The following TTN variants were observed in gnomAD, a reference collection of about 807,000 sequenced individuals.
The protein encoded by TTN is titin.
A neutral mutation model predicts 3,223.0 loss-of-function variants in TTN; 1,525 were observed. The ratio of observed to expected loss-of-function variants is 0.47; its 90% CI spans 0.45 to 0.49. The LOEUF is 0.49. Ranked by LOEUF, TTN falls within the 20% of genes least tolerant of loss-of-function variation. TTN has a pLI of 0.00. For missense variants in TTN, 40,786 were observed against 43,424.0 expected (o/e 0.94, Z 5.40); for synonymous variants, 14,094 against 15,161.0 (o/e 0.93, Z 5.17).
rs760034376 is a variant in TTN at position 178,746,157 on chromosome 2, T to C, written c.11312-4236A>G. On this transcript the variant is annotated intron_variant, in intron 47 of 362. Coordinates refer to ENST00000589042, the MANE Select transcript of TTN (RefSeq NM_001267550.2). ...TCTGGCTCAATACACATATATTCTT[T>C]ATACCACTTAACTTCGGGAGTCGGG... The C allele has an allele frequency of 1.1e-5, 17 of 1,613,372 alleles. 1 individual carries two copies. The Admixed American group carries it at 2.8e-4, about 27-fold the overall frequency.
At position 178,802,171 on chromosome 2, in the gene TTN, G is replaced by C; in HGVS notation, c.262C>G (p.Gln88Glu). Residue 88 changes from glutamine (Q) to glutamate (E), a missense_variant, in exon 3 of 363, where the codon CAA becomes GAA. Coordinates refer to ENST00000589042, the MANE Select transcript of TTN (RefSeq NM_001267550.2). ...YSLKATNGSG[Q>E]ATSTAELLVK... is the part of the protein sequence containing the mutation. Reference sequence around the variant, plus strand: ...AGAAGCTCAGCAGTACTAGTCGCTTGTCCAGATCCATTGGTGGCTTTCAGG... The same window carrying C: ...AGAAGCTCAGCAGTACTAGTCGCTTCTCCAGATCCATTGGTGGCTTTCAGG... 1 of 1,614,086 alleles carries C rather than the reference G, an allele frequency of 6.2e-7. No individual in the cohort carries two copies. Among genetic ancestry groups the C allele is most frequent in the Non-Finnish European group, 8.5e-7 (1 of 1,179,954 alleles).
intron 350 of TTN, 29 bp from the exon 351 acceptor site, chr2:178,540,399 TA>T: frequency 6.4e-7 from 1 of 1,551,994 alleles, no homozygotes; most frequent in Middle Eastern, 2.0e-4. Flanking sequence ...ATATACTGGT[TA>T]AAGTTGCTGC....
chr2:178,532,656 A>G lies in TTN; in HGVS notation c.103959T>C (p.Arg34653=). 2 of 1,613,938 alleles carry G rather than the reference A, an allele frequency of 1.2e-6. No homozygotes were observed. The highest frequency in any genetic ancestry group is 1.1e-5 in the South Asian group (1 of 91,074). ...DYDFYYRPRR[R]SLGDISDEEL... Reference sequence around the variant, plus strand: ...CTTCATCAGAGATGTCCCCAAGAGAACGTCTTCTAGGTCGGTAGTAAAAGT... The same window carrying G: ...CTTCATCAGAGATGTCCCCAAGAGAGCGTCTTCTAGGTCGGTAGTAAAAGT... The change falls in exon 358 of 363, where the codon CGT becomes CGC. Residue 34653 remains arginine (R), a synonymous_variant. Coordinates refer to ENST00000589042, the MANE Select transcript of TTN (RefSeq NM_001267550.2).
At chr2:178,625,995 A>G (rs2058981862) in intron 240 of TTN, among the ~76,000 whole-genome samples, 1 of 151,990 alleles carries the variant, frequency 6.6e-6, no homozygotes, top group Admixed American at 6.6e-5. Flanking sequence ...TATACAGCAC[A>G]TATAGTATAT....
In TTN at chr2:178,597,574, C is replaced by A. The variant is rs750947988; in HGVS notation, c.57508G>T (p.Gly19170Ter). 1 of 1,612,534 alleles carries A rather than the reference C, an allele frequency of 6.2e-7. No individual in the cohort carries two copies. Among genetic ancestry groups the A allele is most frequent in the Non-Finnish European group, 8.5e-7 (1 of 1,179,394 alleles). ...ACAATAATTGTCTTCTTTCTTTCTC[C>A]GGCTTCATTTTTGGCAAGAAGAGAA... Reference protein sequence around the residue: ...VYSLLAKNEAGERKKTIIVDV... With the variant: ...VYSLLAKNEA Residue 19170 changes from glycine (G) to a stop codon, truncating the protein, a stop_gained, in exon 294 of 363, where the codon GGA (glycine) becomes TGA (stop). Coordinates refer to ENST00000589042, the MANE Select transcript of TTN (RefSeq NM_001267550.2). LOFTEE classifies it high-confidence loss of function.
chr2:178,768,519 T>G (rs1205311597), intron 38 of TTN, among the ~76,000 whole-genome samples, 154 bp downstream of exon 38: 2 of 152,282 alleles, frequency 1.3e-5, no homozygotes, highest in African/African-American at 4.8e-5. Context: ...TCATCCATGT[T>G]GTAGCATATC....
intron 46 of TTN, among the ~76,000 whole-genome samples, chr2:178,754,292 C>T (rs1400447699): frequency 2.6e-5 from 4 of 151,962 alleles, no homozygotes; most frequent in Admixed American, 1.3e-4. Context: ...AAAGACTGGC[C>T]TATGTCAAAT....
chr2:178,559,321 T>C lies in TTN; in HGVS notation c.86811A>G (p.Val28937=), dbSNP rs55972010. 43,859 of 1,589,816 alleles carry C rather than the reference T, an allele frequency of 0.028. 703 individuals carry two copies. The highest frequency in any genetic ancestry group is 0.031 in the Non-Finnish European group (36,587 of 1,167,644). The change falls in exon 326 of 363, where the codon GTA becomes GTG. Residue 28937 remains valine, a synonymous_variant. Coordinates refer to ENST00000589042, the MANE Select transcript of TTN (RefSeq NM_001267550.2). ...VGIPAETKEG[V]KITEKPSPPE... is the part of the protein sequence containing the mutation. ...ATTCTTAAAACATACCTGTTATTTT[T>C]ACTCCTTCCTTTGTTTCAGCTGGTA...
intron 26 of TTN, 47 bp downstream of exon 26, chr2:178,777,373 C>A (rs373943030): frequency 5.2e-5 from 84 of 1,612,402 alleles, no homozygotes; most frequent in Non-Finnish European, 7.0e-5. Flanking sequence ...CTGTTTATAA[C>A]CCAAGTGATA....
At chr2:178,624,427 A>C in intron 242 of TTN, 38 bp downstream of exon 242, 1 of 1,607,446 alleles carries the variant, frequency 6.2e-7, no homozygotes, top group South Asian at 1.1e-5. Context: ...TTATTAAAGA[A>C]TTGCAAATGA....
In TTN at chr2:178,537,546, T is replaced by G. The variant is rs938263270; in HGVS notation, c.99661A>C (p.Ile33221Leu). 1 of 1,613,772 alleles carries G rather than the reference T, an allele frequency of 6.2e-7. No individual in the cohort carries two copies. The highest frequency in any genetic ancestry group is 8.5e-7 in the Non-Finnish European group (1 of 1,179,772). ...GTCATGGCAGGTACTGGACGACCAA[T>G]GTACATAACATGAAGCCGAAGTGTG... ...GSTLRLHVMY[I>L]GRPVPAMTWF... Residue 33221 changes from isoleucine (I) to leucine (L), a missense_variant, in exon 355 of 363, where the codon ATT becomes CTT. Transcript: ENST00000589042.
In TTN at chr2:178,773,516, G is replaced by C. The variant is rs375309644; in HGVS notation, c.7540C>G (p.Pro2514Ala). 6.2e-7 allele frequency: 1 copy of C among 1,613,880 alleles called. No individual in the cohort carries two copies. Among genetic ancestry groups the C allele is most frequent in the East Asian group, 2.2e-5 (1 of 44,872 alleles). ...ACTCTGCCAACTATCAGCTTGTAAG[G>C]TCCTTCGTCTGAAGCATGAGTTCGG... ...INRTHASDEG[P>A]YKLIVGRVET... is the part of the protein sequence containing the mutation. The change falls in exon 32 of 363, where the codon CCT becomes GCT. Residue 2514 changes from proline (P) to alanine (A), a missense_variant. Physicochemically the swap from Pro to Ala is conservative, Grantham distance 27. Transcript: ENST00000589042.
rs727503539 is a variant in TTN at position 178,542,276 on chromosome 2, G to A, written c.97480C>T (p.Arg32494Cys). The A allele has an allele frequency of 1.2e-5, 20 of 1,607,130 alleles. No individual in the cohort carries two copies. In the Admixed American group the frequency reaches 2.5e-4, roughly 20 times the overall value. ...SYLQSEVIECRSSIRIPGPPE... is the reference protein window; with the variant it reads ...SYLQSEVIECCSSIRIPGPPE... The stretch of plus-strand genomic sequence containing the variant: ...CCTGTGGACTTACGGATGCTGCTGC[G>A]ACACTCTATGACCTCAGACTGCAAG... The change falls in exon 349 of 363, where the codon CGC (arginine) becomes TGC (cysteine). Residue 32494 changes from arginine to cysteine, a missense_variant. Physicochemically the swap from Arg to Cys is radical, Grantham distance 180. Transcript: ENST00000589042.
rs865776326 is a variant in TTN, at chr2:178,635,620, G to T, written c.41704C>A (p.Pro13902Thr). The T allele has an allele frequency of 6.3e-7, 1 of 1,594,438 alleles. No individual in the cohort carries two copies. Among genetic ancestry groups the T allele is most frequent in the South Asian group, 1.1e-5 (1 of 88,344 alleles). ...TATCCTTTGAACCACTTAATGTTTG[G>T]AGTATCTTTTGCTATATCACAGGCA... ...IFACDIAKDT[P>T]NIKWFKGYDE... is the part of the protein sequence containing the mutation. The change falls in exon 227 of 363, where the codon CCA becomes ACA. Residue 13902 changes from proline to threonine, a missense_variant. By Grantham distance (38) the Pro-to-Thr change is conservative. Coordinates refer to ENST00000589042, the MANE Select transcript of TTN (RefSeq NM_001267550.2).
Position 178,720,354 on chromosome 2 carries a change from G to A in TTN, c.23377+31C>T. On this transcript the variant is annotated intron_variant, in intron 80 of 362. Transcript: ENST00000589042. Reference sequence around the variant, plus strand: ...TAGGCAAGAACAGATAGGAGGAAGGGGCATATATTTTTGTGTCCATGTATA... The same window carrying A: ...TAGGCAAGAACAGATAGGAGGAAGGAGCATATATTTTTGTGTCCATGTATA... 1.9e-6 allele frequency: 3 copies of A among 1,595,258 alleles called. No homozygotes were observed. The South Asian group carries it at 3.4e-5, about 18-fold the overall frequency.
rs767793508 is a variant in TTN at position 178,706,918 on chromosome 2, G to A, written c.29078C>T (p.Ala9693Val). The change falls in exon 101 of 363, where the codon GCG becomes GTG. Residue 9693 changes from alanine (A) to valine (V), a missense_variant. Physicochemically the swap from Ala to Val is moderately conservative, Grantham distance 64. Transcript: ENST00000589042. ...PAVAPATKKA[A>V]VDGRLFFVSE... ...CACAAAAAAGAGTCTTCCATCTACC[G>A]CAGCTTTCTTGGTTGCTGGGGCCAC... 21 of 1,611,622 alleles carry A rather than the reference G, an allele frequency of 1.3e-5. No homozygotes were observed. Among genetic ancestry groups the A allele is most frequent in the South Asian group, 3.3e-5 (3 of 90,490 alleles).
rs1208236175 is a variant in TTN, at chr2:178,574,448, A to T, written c.71684T>A (p.Ile23895Asn). Residue 23895 changes from isoleucine to asparagine, a missense_variant, in exon 326 of 363, where the codon ATT becomes AAT. By Grantham distance (149) the Ile-to-Asn change is moderately radical (BLOSUM62 -3). Transcript: ENST00000589042. Reference sequence around the variant, plus strand: ...TGCAATCACCCGGAACTCATAAGCAATACCATCTGTAAGTCCACTTGATTT... The same window carrying T: ...TGCAATCACCCGGAACTCATAAGCATTACCATCTGTAAGTCCACTTGATTT... ...IFKSSGLTDG[I>N]AYEFRVIAEN... 1.2e-6 allele frequency: 2 copies of T among 1,613,508 alleles called. No individual in the cohort carries two copies. The highest frequency in any genetic ancestry group is 1.7e-6 in the Non-Finnish European group (2 of 1,179,664).
In TTN at chr2:178,621,878, A is replaced by T. The variant is rs786205390; in HGVS notation, c.45044T>A (p.Val15015Glu). Residue 15015 changes from valine (V) to glutamate (E), a missense_variant, in exon 244 of 363, where the codon GTA (valine) becomes GAA (glutamate). Physicochemically the swap from Val to Glu is moderately radical, Grantham distance 121. Transcript: ENST00000589042. ...LDDEAEYSCE[V>E]RTARTSGMLT... The stretch of plus-strand genomic sequence containing the variant: ...CATGCCAGAAGTTCTCGCTGTCCTT[A>T]CTTCACAGGAATATTCAGCTTCATC... The T allele has an allele frequency of 1.8e-5, 29 of 1,612,222 alleles. No homozygotes were observed. In the East Asian group the frequency reaches 6.1e-4, roughly 34 times the overall value.
At chr2:178,794,305 C>T in intron 8 of TTN, 94 bp downstream of exon 8, 1 of 1,570,948 alleles carries the variant, frequency 6.4e-7, no homozygotes, top group South Asian at 1.1e-5. Flanking sequence ...ATGAATTGAG[C>T]ACAGCTGCAT....
Sources: gnomAD v4.1 joint callset for allele counts (sites outside exome capture counted in the v4.1 genomes callset) on GRCh38, gnomAD v4.1.1 for gene constraint, MANE v1.5 for transcripts, NCBI Gene and HGNC (gene_info 2026-07-23, HGNC 2026-07-21) for gene names.